KRABD2: variants seen among roughly 807,000 people sequenced by gnomAD.
The protein encoded by KRABD2 is KRAB domain containing 2, also known as KRAB domain-containing protein 2.
the KRABD2 span, chr17:8,367,041 C>T: frequency 1.3e-5 from 2 of 152,020 alleles, no homozygotes; most frequent in African/African-American, 4.8e-5. Context: ...ACTTATTTTC[C>T]TGTGATGCCT....
the KRABD2 span, chr17:8,376,203 C>T: frequency 8.1e-7 from 1 of 1,231,330 alleles, no homozygotes; most frequent in Non-Finnish European, 1.0e-6. Context: ...GACATTTTGT[C>T]AAAAATGTCG....
chr17:8,368,204 T>C, the KRABD2 span, among the ~76,000 whole-genome samples: 1 of 152,156 alleles, frequency 6.6e-6, no homozygotes, highest in Non-Finnish European at 1.5e-5. Flanking sequence ...GATCTCGAGA[T>C]GAGATCATCC....
the KRABD2 span, chr17:8,370,366 T>G: frequency 1.9e-6 from 3 of 1,578,836 alleles, no homozygotes; most frequent in Non-Finnish European, 2.6e-6. Context: ...TGAGGCATCA[T>G]GGAGAGCTGT....
the KRABD2 span, chr17:8,370,411 A>G: frequency 6.8e-7 from 1 of 1,468,184 alleles, no homozygotes; most frequent in East Asian, 2.3e-5. Context: ...AAAGAGAACA[A>G]AGTTAAATTC....
chr17:8,369,571 C>T, the KRABD2 span: 7 of 1,614,220 alleles, frequency 4.3e-6, no homozygotes, highest in Non-Finnish European at 5.9e-6. Flanking sequence ...TTACCAGATA[C>T]AATCTTTAGG....
chr17:8,375,817 T>C, the KRABD2 span: 1 of 969,094 alleles, frequency 1.0e-6, no homozygotes, highest in Non-Finnish European at 1.3e-6. Context: ...CTTGGTGTGA[T>C]CTATGTGACG....
the KRABD2 span, among the ~76,000 whole-genome samples, chr17:8,361,274 A>G: frequency 6.6e-6 from 1 of 152,194 alleles, no homozygotes. Context: ...GGAAGTACAA[A>G]AGTAGAAGAG....
the KRABD2 span, among the ~76,000 whole-genome samples, chr17:8,361,451 A>G: frequency 6.6e-6 from 1 of 152,218 alleles, no homozygotes; most frequent in East Asian, 1.9e-4. Flanking sequence ...CCCCACACAA[A>G]ACAAGTGCAA....
the KRABD2 span, chr17:8,368,925 T>C: frequency 2.4e-6 from 2 of 820,724 alleles, no homozygotes; most frequent in Non-Finnish European, 1.8e-6. Context: ...GCATGAGCGC[T>C]GCGCCCGGCC....
At chr17:8,369,325 C>T in the KRABD2 span, 26 of 1,614,274 alleles carry the variant, frequency 1.6e-5, no homozygotes, top group Non-Finnish European at 2.1e-5. Flanking sequence ...AAAGTAGCCA[C>T]AGTTTCCCGG....
At chr17:8,369,185 T>C in the KRABD2 span, 1 of 1,614,164 alleles carries the variant, frequency 6.2e-7, no homozygotes, top group Non-Finnish European at 8.5e-7. Context: ...GTTCTGAAGC[T>C]TCAGGAGTGG....
At chr17:8,360,556 T>C in the KRABD2 span, among the ~76,000 whole-genome samples, 1 of 152,236 alleles carries the variant, frequency 6.6e-6, no homozygotes, top group Admixed American at 6.5e-5. Flanking sequence ...CCAAATTCAG[T>C]AAGTTCAAAG....
At chr17:8,365,292 A>AC in the KRABD2 span, among the ~76,000 whole-genome samples, 4 of 152,102 alleles carry the variant, frequency 2.6e-5, no homozygotes, top group Non-Finnish European at 5.9e-5. Flanking sequence ...CCTTTTACCC[A>AC]CAGGAGTTGA....
At chr17:8,374,327 C>T in the KRABD2 span, among the ~76,000 whole-genome samples, 2 of 152,122 alleles carry the variant, frequency 1.3e-5, no homozygotes, top group African/African-American at 4.8e-5. Flanking sequence ...AACCTTACCC[C>T]CAACCCCGTG....
At chr17:8,372,469 C>G in the KRABD2 span, among the ~76,000 whole-genome samples, 1 of 152,270 alleles carries the variant, frequency 6.6e-6, no homozygotes. The surrounding 1 kb of genome is among the most constrained non-coding windows in gnomAD (Gnocchi z 4.1). Context: ...CCTGCCTCAG[C>G]CTCCCAAAGT....
chr17:8,376,419 A>G, the KRABD2 span: 2 of 1,086,330 alleles, frequency 1.8e-6, no homozygotes, highest in African/African-American at 3.3e-5. Context: ...AAGGCACTTA[A>G]TACAGTGTCC....
the KRABD2 span, among the ~76,000 whole-genome samples, chr17:8,362,160 C>T: frequency 5.9e-5 from 9 of 151,974 alleles, no homozygotes; most frequent in African/African-American, 2.2e-4. The surrounding 1 kb of genome is among the most constrained non-coding windows in gnomAD (Gnocchi z 4.2). Flanking sequence ...GGTGAAACCC[C>T]GTCTCTACTA....
chr17:8,375,703 T>TC, the KRABD2 span: 1 of 171,350 alleles, frequency 5.8e-6, no homozygotes, highest in African/African-American at 2.5e-5. Context: ...TTTTCTTTCT[T>TC]TTTTTTTTTT....
the KRABD2 span, chr17:8,376,562 C>A: frequency 1.0e-6 from 1 of 987,160 alleles, no homozygotes; most frequent in South Asian, 4.7e-5. Flanking sequence ...CCCGTCCACC[C>A]GCCAGCTCAG....
Sources: gnomAD v4.1 joint callset for allele counts (sites outside exome capture counted in the v4.1 genomes callset) on GRCh38, gnomAD v4.1.1 for gene constraint, Gnocchi (gnomAD v3.1) non-coding constraint, MANE v1.5 for transcripts, NCBI Gene and HGNC (gene_info 2026-07-23, HGNC 2026-07-21) for gene names.